The following IL7R variants were observed in gnomAD, a reference collection of about 807,000 sequenced individuals.
IL7R encodes interleukin-7 receptor subunit alpha.
In IL7R, 38 loss-of-function variants were observed where a neutral mutation model predicts 47.0. The observed-to-expected ratio is 0.81, with a 90% CI of 0.62 to 1.06. IL7R has a LOEUF of 1.06. IL7R is among the 50% of genes least tolerant of loss of function. The probability of loss-of-function intolerance (pLI) is 0.00; values close to 1 mark genes in which losing one functional copy is unlikely to be tolerated. For missense variants in IL7R, 633 were observed against 534.8 expected (o/e 1.18, Z -1.81); for synonymous variants, 221 against 199.8 (o/e 1.11, Z -0.89).
chr5:35,872,849 A>C (rs1760103848), intron 4 of IL7R, among the ~76,000 whole-genome samples: 1 of 152,198 alleles, frequency 6.6e-6, no homozygotes, highest in Admixed American at 6.5e-5. Context: ...GACTCTTATA[A>C]ATCATTAAAA....
chr5:35,876,221 G>T lies in IL7R; in HGVS notation c.1115G>T (p.Gly372Val), dbSNP rs201146815. ...GRDSSLTCLA[G>V]NVSACDAPIL... ...GATTCATCCCTCACATGCCTGGCTG[G>T]GAATGTCAGTGCATGTGACGCCCCT... Residue 372 changes from glycine (G) to valine (V), a missense_variant, in exon 8 of 8, where the codon GGG becomes GTG. Physicochemically the swap from Gly to Val is moderately radical, Grantham distance 109 (BLOSUM62 -3). Transcript: ENST00000303115. 6.2e-6 allele frequency: 10 copies of T among 1,614,028 alleles called. No homozygotes were observed. The highest frequency in any genetic ancestry group is 7.6e-6 in the Non-Finnish European group (9 of 1,180,048).
chr5:35,875,598 T>C lies in IL7R; in HGVS notation c.876+11T>C. The C allele has an allele frequency of 1.2e-6, 2 of 1,602,920 alleles. No homozygotes were observed. The highest frequency in any genetic ancestry group is 1.7e-5 in the Admixed American group (1 of 60,002). On this transcript the variant is annotated intron_variant, in intron 7 of 7. Coordinates refer to ENST00000303115, the MANE Select transcript of IL7R (RefSeq NM_002185.5). ...AAGAAACCAAGAAAAGTGAGTGTTT[T>C]TGGTGCTTAAAAAGTGTTGTGTTGG...
intron 1 of IL7R, among the ~76,000 whole-genome samples, chr5:35,859,159 G>A (rs1368526202): frequency 1.3e-5 from 2 of 152,168 alleles, no homozygotes; most frequent in African/African-American, 4.8e-5. Flanking sequence ...ATGGCTCATT[G>A]TATATTGTAT....
chr5:35,873,586 G>T lies in IL7R; in HGVS notation c.644G>T (p.Gly215Val), dbSNP rs193922645. The change falls in exon 5 of 8, where the codon GGC becomes GTC. Residue 215 changes from glycine (G) to valine (V), a missense_variant. Physicochemically the swap from Gly to Val is moderately radical, Grantham distance 109. Transcript: ENST00000303115. ...VRSIPDHYFK[G>V]FWSEWSPSYY... The stretch of plus-strand genomic sequence containing the variant: ...TCCATCCCTGATCACTATTTTAAAG[G>T]CTTCTGGAGTGAATGGAGTCCAAGT... 1.9e-6 allele frequency: 3 copies of T among 1,613,954 alleles called. No homozygotes were observed. Among genetic ancestry groups the T allele is most frequent in the Admixed American group, 3.3e-5 (2 of 60,012 alleles).
At chr5:35,864,582 A>G (rs1180204675) in intron 2 of IL7R, among the ~76,000 whole-genome samples, 1 of 152,118 alleles carries the variant, frequency 6.6e-6, no homozygotes, top group Non-Finnish European at 1.5e-5. Context: ...TCAAATAACA[A>G]ATGTTGAGCA....
chr5:35,862,594 A>G (rs1016252454), intron 2 of IL7R, among the ~76,000 whole-genome samples: 1 of 151,862 alleles, frequency 6.6e-6, no homozygotes, highest in Non-Finnish European at 1.5e-5. Context: ...TAATAGATGA[A>G]CTCCTGGAGT....
intron 5 of IL7R, 104 bp downstream of exon 5, chr5:35,873,752 C>A: frequency 1.9e-6 from 2 of 1,053,228 alleles, no homozygotes; most frequent in Non-Finnish European, 3.0e-6. Flanking sequence ...CAAAATAGGA[C>A]ACCCTTGGAG....
chr5:35,864,590 G>A (rs11567721), intron 2 of IL7R, among the ~76,000 whole-genome samples: 1,974 of 152,238 alleles, frequency 0.013, 49 homozygotes, highest in African/African-American at 0.045. Context: ...CAAATGTTGA[G>A]CAGCTTTTCA....
chr5:35,874,460 C>G lies in IL7R; in HGVS notation c.718C>G (p.Pro240Ala), dbSNP rs1384538811. ...TTCTTGCTTTCCAGGGGAGATGGATCCTATCTTACTAACCATCAGCATTTT... is the reference window on the plus strand; with the variant it reads ...TTCTTGCTTTCCAGGGGAGATGGATGCTATCTTACTAACCATCAGCATTTT... ...EINNSSGEMD[P>A]ILLTISILSF... Residue 240 changes from proline to alanine, a missense_variant, in exon 6 of 8, where the codon CCT becomes GCT. Coordinates refer to ENST00000303115, the MANE Select transcript of IL7R (RefSeq NM_002185.5). The G allele has an allele frequency of 1.2e-6, 2 of 1,608,892 alleles. No homozygotes were observed. The highest frequency in any genetic ancestry group is 2.7e-5 in the African/African-American group (2 of 74,832).
chr5:35,857,211 C>A (rs975443809), intron 1 of IL7R, 152 bp downstream of exon 1: 85 of 691,052 alleles, frequency 1.2e-4, no homozygotes, highest in Non-Finnish European at 2.4e-5. Flanking sequence ...AATGTTTAAC[C>A]ACCATGACAG....
At chr5:35,862,896 C>T (rs1759853365) in intron 2 of IL7R, among the ~76,000 whole-genome samples, 1 of 152,064 alleles carries the variant, frequency 6.6e-6, no homozygotes, top group Admixed American at 6.6e-5. Context: ...AAATGGGACC[C>T]CGCTCCCAGT....
intron 4 of IL7R, 167 bp from the exon 5 acceptor site, chr5:35,873,313 A>G: frequency 1.5e-6 from 1 of 674,478 alleles, no homozygotes; most frequent in Non-Finnish European, 2.7e-6. Context: ...TCTGTCCCTA[A>G]TTTTGCTGTT....
intron 2 of IL7R, among the ~76,000 whole-genome samples, chr5:35,863,794 T>C (rs140706512): frequency 5.5e-4 from 83 of 152,260 alleles, no homozygotes; most frequent in Non-Finnish European, 9.4e-4. Context: ...CCCTATGATA[T>C]TACTTTTATT....
chr5:35,869,116 A>T (rs1163652098), intron 3 of IL7R, among the ~76,000 whole-genome samples: 1 of 152,124 alleles, frequency 6.6e-6, no homozygotes. Flanking sequence ...GGGACACTTC[A>T]TTAATGGAAC....
At position 35,876,215 on chromosome 5, in the gene IL7R, T is replaced by A. The variant is rs374876660; in HGVS notation, c.1109T>A (p.Leu370Gln). Residue 370 changes from leucine (L) to glutamine (Q), a missense_variant, in exon 8 of 8, where the codon CTG (leucine) becomes CAG (glutamine). Transcript: ENST00000303115. Reference sequence around the variant, plus strand: ...GGAAGAGATTCATCCCTCACATGCCTGGCTGGGAATGTCAGTGCATGTGAC... The same window carrying A: ...GGAAGAGATTCATCCCTCACATGCCAGGCTGGGAATGTCAGTGCATGTGAC... ...SFGRDSSLTCLAGNVSACDAP... is the reference protein window; with the variant it reads ...SFGRDSSLTCQAGNVSACDAP... 3 of 1,614,050 alleles carry A rather than the reference T, an allele frequency of 1.9e-6. No homozygotes were observed. The highest frequency in any genetic ancestry group is 2.5e-6 in the Non-Finnish European group (3 of 1,180,032).
chr5:35,867,364 A>T lies in IL7R; in HGVS notation c.280A>T (p.Ile94Phe). ...CAGGAAACTACAAGAGATATATTTC[A>T]TCGAGACAAAGAAATTCTTACTGAT... ...NFRKLQEIYF[I>F]ETKKFLLIGK... is the part of the protein sequence containing the mutation. Residue 94 changes from isoleucine to phenylalanine, a missense_variant, in exon 3 of 8, where the codon ATC (isoleucine) becomes TTC (phenylalanine). Physicochemically the swap from Ile to Phe is conservative, Grantham distance 21. Transcript: ENST00000303115. 1.2e-6 allele frequency: 2 copies of T among 1,613,638 alleles called. No homozygotes were observed. Among genetic ancestry groups the T allele is most frequent in the Non-Finnish European group, 1.7e-6 (2 of 1,179,562 alleles).
intron 6 of IL7R, 49 bp downstream of exon 6, chr5:35,874,591 A>C: frequency 1.5e-6 from 2 of 1,341,148 alleles, no homozygotes; most frequent in Non-Finnish European, 2.1e-6. Context: ...GATCACGGAC[A>C]GTCAGAGCTT....
intron 4 of IL7R, chr5:35,873,260 C>G: frequency 1.7e-6 from 1 of 584,408 alleles, no homozygotes; most frequent in Non-Finnish European, 3.1e-6. Context: ...CATCATTTCA[C>G]TCTCCTCCTT....
At chr5:35,858,004 CAG>C (rs909153861) in intron 1 of IL7R, among the ~76,000 whole-genome samples, 2 of 152,102 alleles carry the variant, frequency 1.3e-5, no homozygotes, top group Admixed American at 6.5e-5. Flanking sequence ...AGGGAATTGT[CAG>C]AGAGTTTGAC....
Sources: allele counts gnomAD v4.1 joint callset (sites outside exome capture counted in the v4.1 genomes callset), GRCh38; gene constraint gnomAD v4.1.1; transcripts MANE v1.5; gene names NCBI Gene and HGNC (gene_info 2026-07-23, HGNC 2026-07-21).